TNFSF4: variants seen among roughly 807,000 people sequenced by gnomAD.
TNFSF4 encodes TNF superfamily member 4, also known as tumor necrosis factor ligand superfamily member 4.
A neutral mutation model predicts 7.3 loss-of-function variants in TNFSF4; 4 were observed. The ratio of observed to expected loss-of-function variants is 0.55; its 90% CI spans 0.27 to 1.25. TNFSF4 has a LOEUF of 1.25. Ranked by LOEUF, TNFSF4 falls within the 50% of genes most tolerant of loss-of-function variation. TNFSF4 has a pLI of 0.12. For missense variants in TNFSF4, 181 were observed against 208.8 expected, an observed-to-expected ratio of 0.87 and a Z score of 0.82; for synonymous variants, 76 against 83.7, an observed-to-expected ratio of 0.91 and a Z score of 0.50.
chr1:173,256,487 C>T, the TNFSF4 span, among the ~76,000 whole-genome samples: 3,588 of 152,202 alleles, frequency 0.024, 56 homozygotes, highest in Middle Eastern at 0.054. Context: ...CCCTAAAAGT[C>T]CCATCTCAAA....
the TNFSF4 span, among the ~76,000 whole-genome samples, chr1:173,274,785 C>T: frequency 2.6e-5 from 4 of 152,184 alleles, no homozygotes; most frequent in Non-Finnish European, 4.4e-5. Context: ...TTCTCACCAG[C>T]ACCAAATGTT....
chr1:173,296,056 C>T, the TNFSF4 span, among the ~76,000 whole-genome samples: 4 of 151,930 alleles, frequency 2.6e-5, no homozygotes, highest in Non-Finnish European at 5.9e-5. Context: ...TTTTTAAGAA[C>T]CCTAGTACAT....
chr1:173,415,678 A>C, the TNFSF4 span, among the ~76,000 whole-genome samples: 2 of 152,250 alleles, frequency 1.3e-5, no homozygotes, highest in African/African-American at 4.8e-5. Flanking sequence ...TGTGACCCTC[A>C]GCCTTTCCAT....
the TNFSF4 span, among the ~76,000 whole-genome samples, chr1:173,422,668 G>A: frequency 6.6e-6 from 1 of 152,204 alleles, no homozygotes; most frequent in African/African-American, 2.4e-5. Flanking sequence ...GGAGGCAACA[G>A]CAAGCAAAGG....
chr1:173,324,810 C>T, the TNFSF4 span, among the ~76,000 whole-genome samples: 1 of 152,206 alleles, frequency 6.6e-6, no homozygotes, highest in Non-Finnish European at 1.5e-5. Context: ...ACAAGAAGAA[C>T]TAACTATCCT....
chr1:173,284,890 T>C, the TNFSF4 span, among the ~76,000 whole-genome samples: 4 of 152,110 alleles, frequency 2.6e-5, no homozygotes, highest in Non-Finnish European at 5.9e-5. Flanking sequence ...AGAAGACAAA[T>C]GTTGTTTTCA....
At chr1:173,304,409 A>G in the TNFSF4 span, among the ~76,000 whole-genome samples, 1 of 151,888 alleles carries the variant, frequency 6.6e-6, no homozygotes, top group Non-Finnish European at 1.5e-5. Context: ...TACATAAATG[A>G]CATAGGAAAA....
chr1:173,359,405 T>C, the TNFSF4 span, among the ~76,000 whole-genome samples: 2 of 150,040 alleles, frequency 1.3e-5, no homozygotes, highest in Non-Finnish European at 3.0e-5. Flanking sequence ...ACACAGTTCT[T>C]AGACAAGCAT....
the TNFSF4 span, among the ~76,000 whole-genome samples, chr1:173,242,534 C>T: frequency 6.6e-6 from 1 of 152,146 alleles, no homozygotes; most frequent in Non-Finnish European, 1.5e-5. Context: ...GAATAATGAC[C>T]TATGAGTATG....
chr1:173,411,120 G>A, the TNFSF4 span, among the ~76,000 whole-genome samples: 1 of 152,142 alleles, frequency 6.6e-6, no homozygotes, highest in Non-Finnish European at 1.5e-5. Context: ...TGCGGACCAG[G>A]GCATATCACT....
chr1:173,308,362 C>A, the TNFSF4 span, among the ~76,000 whole-genome samples: 1 of 149,106 alleles, frequency 6.7e-6, no homozygotes, highest in Non-Finnish European at 1.5e-5. Flanking sequence ...GTGTCAAGGT[C>A]TTGAAGACAT....
At chr1:173,359,398 C>T in the TNFSF4 span, among the ~76,000 whole-genome samples, 1 of 142,894 alleles carries the variant, frequency 7.0e-6, no homozygotes, top group African/African-American at 2.6e-5. Flanking sequence ...TTTTAAAACA[C>T]AGTTCTTAGA....
chr1:173,287,943 T>G, the TNFSF4 span, among the ~76,000 whole-genome samples: 2 of 152,196 alleles, frequency 1.3e-5, no homozygotes, highest in Non-Finnish European at 2.9e-5. Context: ...ATTCTACATC[T>G]TGATGAGGCA....
the TNFSF4 span, among the ~76,000 whole-genome samples, chr1:173,287,098 G>T: frequency 8.5e-5 from 13 of 152,140 alleles, no homozygotes; most frequent in Admixed American, 2.0e-4. Flanking sequence ...CAGGAAGATT[G>T]CTTGAGGCCA....
the TNFSF4 span, among the ~76,000 whole-genome samples, chr1:173,369,606 C>A: frequency 6.6e-6 from 1 of 152,118 alleles, no homozygotes; most frequent in Non-Finnish European, 1.5e-5. Flanking sequence ...AACACTCAGG[C>A]ATCAACAGGC....
At chr1:173,444,478 T>C in the TNFSF4 span, among the ~76,000 whole-genome samples, 1 of 152,132 alleles carries the variant, frequency 6.6e-6, no homozygotes, top group African/African-American at 2.4e-5. Flanking sequence ...CATTAAGTGC[T>C]TCTCTTTGGA....
the TNFSF4 span, among the ~76,000 whole-genome samples, chr1:173,403,759 G>A: frequency 6.6e-6 from 1 of 152,078 alleles, no homozygotes; most frequent in Non-Finnish European, 1.5e-5. Context: ...AAAATTAGCT[G>A]GGTGTGGTGG....
At chr1:173,403,901 CA>C in the TNFSF4 span, among the ~76,000 whole-genome samples, 96,361 of 140,698 alleles carry the variant, frequency 0.68, 31,835 homozygotes, top group African/African-American at 0.72. Context: ...GACTGTGTCT[CA>C]AAAAAAAAAA....
chr1:173,256,149 C>G, the TNFSF4 span, among the ~76,000 whole-genome samples: 1 of 152,156 alleles, frequency 6.6e-6, no homozygotes, highest in Non-Finnish European at 1.5e-5. Flanking sequence ...CAAACAAAAA[C>G]ATGGTAAAAT....
Sources: allele counts gnomAD v4.1 joint callset (sites outside exome capture counted in the v4.1 genomes callset), GRCh38; gene constraint gnomAD v4.1.1; transcripts MANE v1.5; gene names NCBI Gene and HGNC (gene_info 2026-07-23, HGNC 2026-07-21).